SF3A1: variants seen among roughly 807,000 people sequenced by gnomAD.
SF3A1 encodes the protein splicing factor 3a subunit 1, also known as SAP 114.
Under a neutral mutation model 89.9 loss-of-function variants are expected in SF3A1, and 13 were observed. The observed-to-expected ratio is 0.14, with a 90% confidence interval of 0.09 to 0.23. SF3A1 has a LOEUF of 0.23. Ranked by LOEUF, SF3A1 falls within the 10% of genes least tolerant of loss-of-function variation. SF3A1 has a pLI of 1.00. For synonymous variants in SF3A1, 405 were observed against 374.4 expected (o/e 1.08, Z -0.94); for missense variants, 604 against 1,022.1 (o/e 0.59, Z 5.58).
intron 2 of SF3A1, among the ~76,000 whole-genome samples, chr22:30,350,304 T>TAAAAAAAAAAAAAAAAAAAA (rs567383762): frequency 1.3e-4 from 17 of 135,160 alleles, no homozygotes; most frequent in Non-Finnish European, 2.1e-4. Flanking sequence ...ACAAAAAAAC[T>TAAAAAAAAAAAAAAAAAAAA]AAAAAAAATA....
chr22:30,336,991 G>C, intron 13 of SF3A1, 35 bp downstream of exon 13: 1 of 1,613,564 alleles, frequency 6.2e-7, no homozygotes, highest in Non-Finnish European at 8.5e-7. Flanking sequence ...GAACCCTCCA[G>C]CTAGAAACTT....
chr22:30,355,745 C>T (rs1345220413), intron 1 of SF3A1, among the ~76,000 whole-genome samples: 1 of 151,644 alleles, frequency 6.6e-6, no homozygotes, highest in Non-Finnish European at 1.5e-5. Context: ...TCCCCCAATG[C>T]CTGGGAAAAT....
Position 30,356,872 on chromosome 22 carries a change from G to C in SF3A1, c.-80C>G. 8.5e-7 allele frequency: 1 copy of C among 1,175,818 alleles called. No homozygotes were observed. Among genetic ancestry groups the C allele is most frequent in the Non-Finnish European group, 1.1e-6 (1 of 926,280 alleles). 72.8% of individuals were successfully genotyped at this position (1,175,818 alleles called of 1,614,324 possible). A position where few individuals can be genotyped will look rare whatever the true frequency, so the allele number is the denominator to read the frequency against. ...TCAAGACAGCCTCCCCGCTCGGTCAGTACGACGAGCTCGCAAGATGGCGGC... is the reference window on the plus strand; with the variant it reads ...TCAAGACAGCCTCCCCGCTCGGTCACTACGACGAGCTCGCAAGATGGCGGC... On this transcript the variant is annotated 5_prime_UTR_variant, in exon 1 of 16. Coordinates refer to ENST00000215793, the MANE Select transcript of SF3A1 (RefSeq NM_005877.6).
At chr22:30,343,534 T>C (rs1601695300) in intron 4 of SF3A1, among the ~76,000 whole-genome samples, 1 of 152,202 alleles carries the variant, frequency 6.6e-6, no homozygotes, top group Admixed American at 6.5e-5. Context: ...GGCTCGGCCC[T>C]ATCCCAATCC....
intron 1 of SF3A1, among the ~76,000 whole-genome samples, chr22:30,355,988 C>T (rs1396176756): frequency 6.6e-6 from 1 of 152,162 alleles, no homozygotes; most frequent in African/African-American, 2.4e-5. Flanking sequence ...GGCTTCCCTA[C>T]CTTAATATCC....
rs1931640092 is a variant in SF3A1 at position 30,352,725 on chromosome 22, G to A, written c.185+226C>T. ...TCCTCAGGCCAGTTTTAGAAGCAGA[G>A]GCTCCTGGTGACTGTGGGGCTAAGT... is the stretch of plus-strand genomic sequence containing the variant. On this transcript the variant is annotated intron_variant, in intron 2 of 15. Transcript: ENST00000215793. 1.2e-5 allele frequency: 5 copies of A among 418,784 alleles called. No individual in the cohort carries two copies. The East Asian group carries it at 1.9e-4, about 16-fold the overall frequency. The allele number at this position is 418,784 out of a possible 1,614,324, so 25.9% of individuals were successfully genotyped here.
intron 6 of SF3A1, 139 bp from the exon 7 acceptor site, chr22:30,342,024 G>A (rs1428750177): frequency 1.8e-5 from 21 of 1,146,778 alleles, no homozygotes; most frequent in East Asian, 7.4e-5. Flanking sequence ...TGGCAAGTAC[G>A]TATTGAATCT....
intron 4 of SF3A1, among the ~76,000 whole-genome samples, chr22:30,343,875 T>G (rs1373719801): frequency 6.6e-6 from 1 of 152,222 alleles, no homozygotes; most frequent in African/African-American, 2.4e-5. Context: ...ATTATGTACT[T>G]AAAAGTGAGT....
intron 2 of SF3A1, among the ~76,000 whole-genome samples, chr22:30,349,110 G>A: frequency 6.6e-6 from 1 of 152,160 alleles, no homozygotes; most frequent in East Asian, 1.9e-4. Context: ...GAAATGAAAA[G>A]GCCTAACCTA....
Position 30,337,827 on chromosome 22 carries a change from A to G in SF3A1, c.1814T>C (p.Val605Ala), listed in dbSNP as rs969887023. 6.2e-7 allele frequency: 1 copy of G among 1,606,894 alleles called. No homozygotes were observed. The highest frequency in any genetic ancestry group is 8.5e-7 in the Non-Finnish European group (1 of 1,177,112). ...PVMPRPPMAS[V>A]VRLPPGSVIA... is the part of the protein sequence containing the mutation. Reference sequence around the variant, plus strand: ...CACTGAGCCTGGGGGCAGCCGGACCACAGATGCCATTGGGGGCCGGGGCAT... The same window carrying G: ...CACTGAGCCTGGGGGCAGCCGGACCGCAGATGCCATTGGGGGCCGGGGCAT... Residue 605 changes from valine (V) to alanine (A), a missense_variant, in exon 12 of 16, where the codon GTG becomes GCG. By Grantham distance (64) the Val-to-Ala change is moderately conservative. Around this residue, in one of 9 missense-constraint regions of SF3A1, gnomAD observed 85 missense variants for 137.3 expected, o/e 0.62. Coordinates refer to ENST00000215793, the MANE Select transcript of SF3A1 (RefSeq NM_005877.6).
chr22:30,353,554 G>A (rs1019829413), intron 1 of SF3A1, among the ~76,000 whole-genome samples: 1 of 152,204 alleles, frequency 6.6e-6, no homozygotes, highest in African/African-American at 2.4e-5. Context: ...GGTGTTATCT[G>A]TAAATTCCAG....
intron 1 of SF3A1, among the ~76,000 whole-genome samples, chr22:30,355,945 T>A (rs986708037): frequency 1.3e-5 from 2 of 151,894 alleles, no homozygotes; most frequent in Non-Finnish European, 2.9e-5. Flanking sequence ...TCCTATTCCT[T>A]CTTCTAAAAG....
At chr22:30,346,552 C>G (rs746340505) in intron 2 of SF3A1, 33 bp from the exon 3 acceptor site, 20 of 1,610,010 alleles carry the variant, frequency 1.2e-5, no homozygotes, top group Non-Finnish European at 1.7e-5. Context: ...GAATAAACAC[C>G]ACTCCCTTGT....
At position 30,356,832 on chromosome 22, in the gene SF3A1, G is replaced by C; in HGVS notation, c.-40C>G. The C allele has an allele frequency of 7.6e-7, 1 of 1,310,384 alleles. No individual in the cohort carries two copies. 81.2% of individuals were successfully genotyped at this position (1,310,384 alleles called of 1,614,324 possible). A position where few individuals can be genotyped will look rare whatever the true frequency, so the allele number is the denominator to read the frequency against. ...GGGCTGCCAGTCCGCCTCGGTGTCG[G>C]TGAGCGGTGCCGCCTCAAGACAGCC... On this transcript the variant is annotated 5_prime_UTR_variant, in exon 1 of 16. Coordinates refer to ENST00000215793, the MANE Select transcript of SF3A1 (RefSeq NM_005877.6).
At position 30,339,139 on chromosome 22, in the gene SF3A1, T is replaced by C. The variant is rs1351012612; in HGVS notation, c.1488A>G (p.Pro496=). Residue 496 remains proline (P), a synonymous_variant, in exon 10 of 16, where the codon CCA becomes CCG. Transcript: ENST00000215793. ...KKIGEEEIQK[P]EEKVTWDGHS... ...TCCACTTTAGCCGCACCTTTTCCTCTGGCTTCTGGATCTCCTCCTCACCGA... is the reference window on the plus strand; with the variant it reads ...TCCACTTTAGCCGCACCTTTTCCTCCGGCTTCTGGATCTCCTCCTCACCGA... The C allele has an allele frequency of 1.2e-6, 2 of 1,614,098 alleles. No homozygotes were observed. The highest frequency in any genetic ancestry group is 2.7e-5 in the African/African-American group (2 of 74,946).
At chr22:30,341,470 G>C (rs1407009300) in intron 7 of SF3A1, among the ~76,000 whole-genome samples, 2 of 152,236 alleles carry the variant, frequency 1.3e-5, no homozygotes, top group East Asian at 3.8e-4. Flanking sequence ...CCACAGAACA[G>C]GTCAGCACAG....
chr22:30,349,044 C>G (rs1276762524), intron 2 of SF3A1, among the ~76,000 whole-genome samples: 1 of 152,208 alleles, frequency 6.6e-6, no homozygotes, highest in Non-Finnish European at 1.5e-5. Flanking sequence ...CTCAACCCAG[C>G]TGGTGGGACT....
intron 9 of SF3A1, 35 bp downstream of exon 9, chr22:30,340,160 AG>A: frequency 7.0e-7 from 1 of 1,435,972 alleles, no homozygotes; most frequent in Non-Finnish European, 9.1e-7. Flanking sequence ...TGTAATTCGG[AG>A]ACTACCATGG....
intron 4 of SF3A1, among the ~76,000 whole-genome samples, chr22:30,343,999 T>C (rs540194928): frequency 6.6e-6 from 1 of 152,348 alleles, no homozygotes; most frequent in Non-Finnish European, 1.5e-5. Context: ...ACAACCTCCA[T>C]GACATGTGTA....
Sources: gnomAD v4.1 joint callset for allele counts (sites outside exome capture counted in the v4.1 genomes callset) on GRCh38, gnomAD v4.1.1 for gene constraint, gnomAD v4.1.1 regional missense constraint, MANE v1.5 for transcripts, NCBI Gene and HGNC (gene_info 2026-07-23, HGNC 2026-07-21) for gene names.